USH2A: variants seen among roughly 807,000 people sequenced by gnomAD.
The protein encoded by USH2A is usherin, also known as Usher syndrome 2A (autosomal recessive, mild).
USH2A carries 443 observed loss-of-function variants against 538.9 expected under a neutral mutation model. The observed-to-expected ratio is 0.82, with a 90% CI of 0.76 to 0.89. The LOEUF (loss-of-function observed/expected upper bound fraction) is 0.89, where lower values mean the gene tolerates loss of function less well. USH2A is among the 40% of genes least tolerant of loss of function. The pLI, the probability that USH2A is intolerant of heterozygous loss-of-function variation, is 0.00. For synonymous variants in USH2A, 2,413 were observed against 2,273.5 expected (o/e 1.06, Z -1.75); for missense variants, 6,633 against 6,324.8 (o/e 1.05, Z -1.65).
intron 61 of USH2A, among the ~76,000 whole-genome samples, chr1:215,709,120 AC>A (rs199813823): frequency 0.02 from 2,999 of 152,282 alleles, 94 homozygotes; most frequent in African/African-American, 0.069. Flanking sequence ...AGAAGTGTCA[AC>A]AAAATTTTGA....
intron 61 of USH2A, among the ~76,000 whole-genome samples, chr1:215,721,006 A>G (rs1659640661): frequency 6.6e-6 from 1 of 152,082 alleles, no homozygotes; most frequent in African/African-American, 2.4e-5. Context: ...GAAAATGACC[A>G]TGCCCTCTTT....
chr1:216,015,950 C>G (rs1668699988), intron 32 of USH2A, among the ~76,000 whole-genome samples: 2 of 152,270 alleles, frequency 1.3e-5, no homozygotes, highest in Middle Eastern at 3.4e-3. Context: ...ACCCAAACGT[C>G]CATCAATGAA....
chr1:216,362,416 G>T (rs2038508545), intron 4 of USH2A, among the ~76,000 whole-genome samples: 1 of 151,528 alleles, frequency 6.6e-6, no homozygotes, highest in African/African-American at 2.4e-5. Flanking sequence ...TGTCAAGGGT[G>T]AAAAAAAAGT....
intron 55 of USH2A, among the ~76,000 whole-genome samples, chr1:215,767,858 A>ATCT (rs1035444662): frequency 6.6e-6 from 1 of 152,198 alleles, no homozygotes; most frequent in African/African-American, 2.4e-5. Flanking sequence ...CTTACAAGAC[A>ATCT]TCTCTCTCTT....
chr1:216,278,014 T>G (rs1053458640), intron 11 of USH2A, among the ~76,000 whole-genome samples: 5 of 152,250 alleles, frequency 3.3e-5, no homozygotes, highest in African/African-American at 9.6e-5. Flanking sequence ...GTTTAGCCTA[T>G]TCTAACTACA....
chr1:216,056,782 TTGTGTGTG>T (rs148484406), intron 30 of USH2A, among the ~76,000 whole-genome samples: 1 of 149,294 alleles, frequency 6.7e-6, no homozygotes, highest in African/African-American at 2.5e-5. Flanking sequence ...ATGTGTGCAT[TTGTGTGTG>T]TGTGTGTGTG....
chr1:216,076,754 T>C (rs1443812070), intron 27 of USH2A, among the ~76,000 whole-genome samples: 1 of 152,198 alleles, frequency 6.6e-6, no homozygotes, highest in Non-Finnish European at 1.5e-5. Flanking sequence ...GAGCTTGCCA[T>C]ATATTTTCTA....
intron 64 of USH2A, among the ~76,000 whole-genome samples, chr1:215,668,485 G>T (rs770003605): frequency 1.3e-5 from 2 of 152,118 alleles, no homozygotes; most frequent in Admixed American, 6.6e-5. Context: ...TTGTAACTAC[G>T]TGGGATTAGC....
chr1:215,705,874 A>G (rs1659169304), intron 61 of USH2A, among the ~76,000 whole-genome samples: 1 of 152,240 alleles, frequency 6.6e-6, no homozygotes, highest in Admixed American at 6.5e-5. Context: ...TGAAAGACAC[A>G]TCTGACTACT....
chr1:216,285,652 C>T (rs559874243), intron 11 of USH2A, among the ~76,000 whole-genome samples: 4 of 152,272 alleles, frequency 2.6e-5, no homozygotes, highest in South Asian at 4.2e-4. Flanking sequence ...CACCTTGCAT[C>T]GTGTGCCTGG....
At chr1:216,303,324 T>G (rs1195912624) in intron 9 of USH2A, among the ~76,000 whole-genome samples, 5 of 151,946 alleles carry the variant, frequency 3.3e-5, no homozygotes, top group Non-Finnish European at 7.4e-5. Context: ...CCTGCATTAT[T>G]TTACAAAGGA....
intron 19 of USH2A, among the ~76,000 whole-genome samples, chr1:216,191,888 G>A (rs2034723258): frequency 6.6e-6 from 1 of 151,900 alleles, no homozygotes; most frequent in African/African-American, 2.4e-5. Context: ...TAAGAAAGAA[G>A]AAATCTACAC....
intron 64 of USH2A, 35 bp from the exon 65 acceptor site, chr1:215,650,836 A>G: frequency 6.3e-7 from 1 of 1,592,906 alleles, no homozygotes; most frequent in South Asian, 1.1e-5. Flanking sequence ...GTCAAAAGCA[A>G]GATACCCTAA....
At chr1:215,897,859 C>T (rs1156774904) in intron 40 of USH2A, among the ~76,000 whole-genome samples, 1 of 152,098 alleles carries the variant, frequency 6.6e-6, no homozygotes, top group African/African-American at 2.4e-5. Flanking sequence ...AGGTGCTGGT[C>T]AGGATCAAGT....
At chr1:216,263,884 C>A (rs2036421890) in intron 11 of USH2A, among the ~76,000 whole-genome samples, 1 of 151,986 alleles carries the variant, frequency 6.6e-6, no homozygotes. Flanking sequence ...AGCACTCCAC[C>A]AAAAAACTCT....
chr1:215,629,884 T>C (rs925784238), intron 70 of USH2A: 6 of 274,888 alleles, frequency 2.2e-5, no homozygotes, highest in South Asian at 1.8e-4. Flanking sequence ...CACGCCATTC[T>C]CCTGCCTCAG....
At position 216,163,778 on chromosome 1, in the gene USH2A, G is replaced by GCCTGTCTTTTTTTTTTC. The variant is rs1257909878; in HGVS notation, c.4627+11457_4627+11473dup. 1.1e-3 allele frequency among the ~76,000 whole-genome samples: 162 copies of GCCTGTCTTTTTTTTTTC among 151,578 alleles called. 3 individuals carry two copies. In the East Asian group the frequency reaches 0.027, roughly 25 times the overall value. The stretch of plus-strand genomic sequence containing the variant: ...GACCCCACCTAGACTCTAATTTTTT[G>GCCTGTCTTTTTTTTTTC]CCTGTCTTTTTTTTTTCCCTAAGAC... On this transcript the variant is annotated intron_variant, in intron 21 of 71. Coordinates refer to ENST00000307340, the MANE Select transcript of USH2A (RefSeq NM_206933.4).
At chr1:216,313,704 C>G (rs576125189) in intron 9 of USH2A, among the ~76,000 whole-genome samples, 1 of 151,960 alleles carries the variant, frequency 6.6e-6, no homozygotes, top group Admixed American at 6.6e-5. Flanking sequence ...TATTGAGAGT[C>G]TGCTGGTGAT....
intron 11 of USH2A, among the ~76,000 whole-genome samples, chr1:216,263,913 C>T (rs771530633): frequency 6.6e-6 from 1 of 151,902 alleles, no homozygotes; most frequent in Non-Finnish European, 1.5e-5. Context: ...ATAAACTAAA[C>T]GAATAAAGTT....
Sources: allele counts gnomAD v4.1 joint callset (sites outside exome capture counted in the v4.1 genomes callset), GRCh38; gene constraint gnomAD v4.1.1; transcripts MANE v1.5; gene names NCBI Gene and HGNC (gene_info 2026-07-23, HGNC 2026-07-21).